Variants in SLC7A6OS observed in about 807,000 individuals in gnomAD.
SLC7A6OS encodes solute carrier family 7 member 6 opposite strand, also known as probable RNA polymerase II nuclear localization protein SLC7A6OS.
A neutral mutation model predicts 34.3 loss-of-function variants in SLC7A6OS; 22 were observed. The observed-to-expected ratio is 0.64, with a 90% CI of 0.46 to 0.92. The LOEUF is 0.92. SLC7A6OS is among the 40% of genes least tolerant of loss of function. The pLI is 0.00. For synonymous variants in SLC7A6OS, 199 were observed against 165.0 expected, an observed-to-expected ratio of 1.21 and a Z score of -1.58; for missense variants, 434 against 407.7, an observed-to-expected ratio of 1.06 and a Z score of -0.56.
At chr16:68,301,502 T>C in intron 4 of SLC7A6OS, 97 bp from the exon 5 acceptor site, 1 of 995,886 alleles carries the variant, frequency 1.0e-6, no homozygotes, top group Non-Finnish European at 1.5e-6. Context: ...TTGTTCCCGA[T>C]TGTAATGCAA....
At chr16:68,303,388 T>C (rs908019651) in intron 3 of SLC7A6OS, among the ~76,000 whole-genome samples, 1 of 151,936 alleles carries the variant, frequency 6.6e-6, no homozygotes, top group Non-Finnish European at 1.5e-5. Flanking sequence ...AAGACCAGCC[T>C]GGACAACATA....
At chr16:68,310,197 A>C (rs2043436657) in intron 2 of SLC7A6OS, 138 bp downstream of exon 2, 2 of 1,001,234 alleles carry the variant, frequency 2.0e-6, no homozygotes, top group East Asian at 2.7e-5. Flanking sequence ...TTGGATGAAC[A>C]ACCAAATCTG....
intron 2 of SLC7A6OS, 33 bp from the exon 3 acceptor site, chr16:68,304,265 A>G (rs2043310063): frequency 1.3e-6 from 2 of 1,581,992 alleles, no homozygotes; most frequent in East Asian, 2.2e-5. Context: ...ACACACACGC[A>G]TGACCCAAAA....
In SLC7A6OS at chr16:68,302,418, T is replaced by C; in HGVS notation, c.762A>G (p.Pro254=). The C allele has an allele frequency of 6.2e-7, 1 of 1,614,210 alleles. No individual in the cohort carries two copies. The highest frequency in any genetic ancestry group is 1.1e-5 in the South Asian group (1 of 91,086). ...NSENNWRNEY[P]EEESSDGDED... is the part of the protein sequence containing the mutation. Reference sequence around the variant, plus strand: ...CATCTCCATCACTGCTCTCCTCCTCTGGGTACTCATTGCGCCAGTTATTCT... The same window carrying C: ...CATCTCCATCACTGCTCTCCTCCTCCGGGTACTCATTGCGCCAGTTATTCT... Residue 254 remains proline, a synonymous_variant, in exon 4 of 5, where the codon CCA becomes CCG. Coordinates refer to ENST00000263997, the MANE Select transcript of SLC7A6OS (RefSeq NM_032178.3).
At position 68,310,271 on chromosome 16, in the gene SLC7A6OS, G is replaced by A. The variant is rs878949787; in HGVS notation, c.471+64C>T. On this transcript the variant is annotated intron_variant, in intron 2 of 4. Coordinates refer to ENST00000263997, the MANE Select transcript of SLC7A6OS (RefSeq NM_032178.3). ...CTTAAGATGAAACTGTGCTGCGACT[G>A]GGCCCAGTCTTCTTGCATTACCATC... The A allele has an allele frequency of 8.8e-6, 13 of 1,483,130 alleles. No individual in the cohort carries two copies. In the South Asian group the frequency reaches 1.6e-4, roughly 19 times the overall value. The allele number at this position is 1,483,130 out of a possible 1,614,324, so 91.9% of individuals were successfully genotyped here.
At chr16:68,308,202 T>C (rs1165135605) in intron 2 of SLC7A6OS, among the ~76,000 whole-genome samples, 1 of 151,728 alleles carries the variant, frequency 6.6e-6, no homozygotes, top group East Asian at 2.0e-4. Context: ...GTGCCCGGCC[T>C]AGTGAACTAT....
intron 2 of SLC7A6OS, among the ~76,000 whole-genome samples, chr16:68,309,051 CAAAA>C (rs57351239): frequency 5.8e-5 from 4 of 68,464 alleles, no homozygotes; most frequent in Non-Finnish European, 6.2e-5. Flanking sequence ...GACTCTGACT[CAAAA>C]AAAAAAAAAA....
intron 2 of SLC7A6OS, 42 bp downstream of exon 2, chr16:68,310,293 C>T: frequency 6.5e-7 from 1 of 1,532,566 alleles, no homozygotes; most frequent in Non-Finnish European, 8.8e-7. Context: ...CTTGCATTAC[C>T]ATCCTGAGAA....
In SLC7A6OS at chr16:68,299,153, G is replaced by A. The variant is rs2043225556; in HGVS notation, c.*2122C>T. 6.6e-6 allele frequency: 1 copy of A among 152,630 alleles called. No homozygotes were observed. The highest frequency in any genetic ancestry group is 2.4e-5 in the African/African-American group (1 of 41,430). The allele number at this position is 152,630 out of a possible 1,614,324, so 9.5% of individuals were successfully genotyped here. ...TATGCAAAGGCTGACTTGCCTGAAC[G>A]CTAAGAACATGACTTCTGTCTGAGC... On this transcript the variant is annotated 3_prime_UTR_variant, in exon 5 of 5. Coordinates refer to ENST00000263997, the MANE Select transcript of SLC7A6OS (RefSeq NM_032178.3).
intron 2 of SLC7A6OS, among the ~76,000 whole-genome samples, chr16:68,308,661 TA>T (rs1287161873): frequency 6.6e-6 from 1 of 152,190 alleles, no homozygotes; most frequent in East Asian, 1.9e-4. Flanking sequence ...ACAATTACAC[TA>T]GTACCATTTG....
Position 68,300,895 on chromosome 16 carries a change from T to G in SLC7A6OS, c.*380A>C. On this transcript the variant is annotated 3_prime_UTR_variant, in exon 5 of 5. Coordinates refer to ENST00000263997, the MANE Select transcript of SLC7A6OS (RefSeq NM_032178.3). ...CCTAGAGGCAGGCAGCCTGGTGGTATGGCACAGCAGAAGCTTACTGCTAAT... is the reference window on the plus strand; with the variant it reads ...CCTAGAGGCAGGCAGCCTGGTGGTAGGGCACAGCAGAAGCTTACTGCTAAT... 1 of 992,956 alleles carries G rather than the reference T, an allele frequency of 1.0e-6. No individual in the cohort carries two copies. Among genetic ancestry groups the G allele is most frequent in the Non-Finnish European group, 1.2e-6 (1 of 834,946 alleles). The allele number at this position is 992,956 out of a possible 1,614,324, so 61.5% of individuals were successfully genotyped here. A position where few individuals can be genotyped will look rare whatever the true frequency, so the allele number is the denominator to read the frequency against.
rs544789691 is a variant in SLC7A6OS, at chr16:68,307,224, T to A, written c.472-2992A>T. 7.2e-5 allele frequency among the ~76,000 whole-genome samples: 11 copies of A among 152,340 alleles called. No individual in the cohort carries two copies. In the East Asian group the frequency reaches 2.1e-3, roughly 29 times the overall value. ...TCATAAGGTTTTTGTGAGGATTAAATGAGTTAAATTAAAAGAAAATATAAC... is the reference window on the plus strand; with the variant it reads ...TCATAAGGTTTTTGTGAGGATTAAAAGAGTTAAATTAAAAGAAAATATAAC... On this transcript the variant is annotated intron_variant, in intron 2 of 4. Coordinates refer to ENST00000263997, the MANE Select transcript of SLC7A6OS (RefSeq NM_032178.3).
At position 68,300,964 on chromosome 16, in the gene SLC7A6OS, T is replaced by C. The variant is rs574989721; in HGVS notation, c.*311A>G. 26 of 1,025,736 alleles carry C rather than the reference T, an allele frequency of 2.5e-5. No homozygotes were observed. In the East Asian group the frequency reaches 1.9e-3, roughly 76 times the overall value. The allele number at this position is 1,025,736 out of a possible 1,614,324, so 63.5% of individuals were successfully genotyped here. ...TCCCTTGTGGTTTCAGCACAGAACCTGAATGCCAGGAAAAATTCCTGGGCC... is the reference window on the plus strand; with the variant it reads ...TCCCTTGTGGTTTCAGCACAGAACCCGAATGCCAGGAAAAATTCCTGGGCC... On this transcript the variant is annotated 3_prime_UTR_variant, in exon 5 of 5. Transcript: ENST00000263997.
At chr16:68,309,111 T>A (rs933938000) in intron 2 of SLC7A6OS, among the ~76,000 whole-genome samples, 5 of 152,000 alleles carry the variant, frequency 3.3e-5, no homozygotes, top group Non-Finnish European at 7.4e-5. Context: ...GTTTTTTTTT[T>A]AGAGACAGTA....
intron 2 of SLC7A6OS, among the ~76,000 whole-genome samples, chr16:68,305,471 A>G (rs1180124152): frequency 1.3e-5 from 2 of 152,176 alleles, no homozygotes; most frequent in African/African-American, 2.4e-5. Flanking sequence ...GGGTCAGTTT[A>G]TTAACCACAG....
chr16:68,310,817 G>T lies in SLC7A6OS; in HGVS notation c.110C>A (p.Ser37Ter). The change falls in exon 1 of 5, where the codon TCA becomes TAA. Residue 37 changes from serine (S) to a stop codon, truncating the protein, a stop_gained. Transcript: ENST00000263997. LOFTEE classifies it high-confidence loss of function. ...ACCCTCCGACGTCTTCTGTGCCGCT[G>T]ACTCGACCGCGTCGCTCCGGAGGCG... is the stretch of plus-strand genomic sequence containing the variant. Reference protein sequence around the residue: ...CKRLRSDAVESAAQKTSEGLE... With the variant: ...CKRLRSDAVE 2 of 1,613,798 alleles carry T rather than the reference G, an allele frequency of 1.2e-6. No homozygotes were observed. Among genetic ancestry groups the T allele is most frequent in the Non-Finnish European group, 1.7e-6 (2 of 1,179,956 alleles).
chr16:68,304,156 G>A lies in SLC7A6OS; in HGVS notation c.548C>T (p.Pro183Leu). 3.7e-6 allele frequency: 6 copies of A among 1,614,100 alleles called. No individual in the cohort carries two copies. The highest frequency in any genetic ancestry group is 5.1e-6 in the Non-Finnish European group (6 of 1,180,024). The change falls in exon 3 of 5, where the codon CCA becomes CTA. Residue 183 changes from proline to leucine, a missense_variant. Coordinates refer to ENST00000263997, the MANE Select transcript of SLC7A6OS (RefSeq NM_032178.3). ...RERLTVSEDGPGVRRQEEQKH... is the reference protein window; with the variant it reads ...RERLTVSEDGLGVRRQEEQKH... ...TTGTTCTTCCTGGCGCCTGACTCCT[G>A]GTCCATCCTCAGACACAGTCAATCG...
rs1279594389 is a variant in SLC7A6OS, at chr16:68,310,628, G to A, written c.193-15C>T. ...ACTGGTTCCTCCTAGGGGGCAACAGGGGACGGAGGCCAGCGTAAGCAGGAG... is the reference window on the plus strand; with the variant it reads ...ACTGGTTCCTCCTAGGGGGCAACAGAGGACGGAGGCCAGCGTAAGCAGGAG... On this transcript the variant is annotated splice_polypyrimidine_tract_variant and intron_variant, in intron 1 of 4. Coordinates refer to ENST00000263997, the MANE Select transcript of SLC7A6OS (RefSeq NM_032178.3). The A allele has an allele frequency of 1.3e-6, 2 of 1,589,170 alleles. No homozygotes were observed. The highest frequency in any genetic ancestry group is 1.3e-5 in the African/African-American group (1 of 74,504).
At position 68,310,760 on chromosome 16, in the gene SLC7A6OS, T is replaced by TG. The variant is rs755965231; in HGVS notation, c.166dup (p.His56ProfsTer34). On this transcript the variant is annotated frameshift_variant, in exon 1 of 5. Transcript: ENST00000263997. LOFTEE classifies it high-confidence loss of function. ...CTGGGAGCACACAGTGGCCACCAAGTGGAAGACATTATTCTCCGCCGCTCT... is the reference window on the plus strand; with the variant it reads ...CTGGGAGCACACAGTGGCCACCAAGTGGGAAGACATTATTCTCCGCCGCTCT... The TG allele has an allele frequency of 1.2e-6, 2 of 1,611,910 alleles. No homozygotes were observed. The highest frequency in any genetic ancestry group is 2.7e-5 in the African/African-American group (2 of 75,018).
Sources: allele counts gnomAD v4.1 joint callset (sites outside exome capture counted in the v4.1 genomes callset), GRCh38; gene constraint gnomAD v4.1.1; transcripts MANE v1.5; gene names NCBI Gene and HGNC (gene_info 2026-07-23, HGNC 2026-07-21).